Variants in SNAP29 observed in about 807,000 individuals in gnomAD.
The protein encoded by SNAP29 is synaptosomal-associated protein 29.
A neutral mutation model predicts 27.9 loss-of-function variants in SNAP29; 13 were observed. That is an observed-to-expected ratio of 0.47 (90% CI 0.30 to 0.74). The LOEUF is 0.74. SNAP29 is among the 30% of genes least tolerant of loss of function. The pLI, the probability that SNAP29 is intolerant of heterozygous loss-of-function variation, is 0.06. For synonymous variants in SNAP29, 119 were observed against 127.1 expected (o/e 0.94, Z 0.43); for missense variants, 368 against 336.5 (o/e 1.09, Z -0.73).
intron 4 of SNAP29, among the ~76,000 whole-genome samples, chr22:20,886,879 C>T (rs1601656451): frequency 6.6e-6 from 1 of 152,020 alleles, no homozygotes; most frequent in East Asian, 2.0e-4. Context: ...TCTCAAAGTG[C>T]TGGGATTACA....
chr22:20,881,146 C>T lies in SNAP29; in HGVS notation c.520+12C>T. 6.4e-7 allele frequency: 1 copy of T among 1,560,536 alleles called. No individual in the cohort carries two copies. Among genetic ancestry groups the T allele is most frequent in the Non-Finnish European group, 8.8e-7 (1 of 1,131,406 alleles). ...GCTGGATGATACAGGTAAGTGGATA[C>T]CTGTGTGCACAGCCACATTTGAATT... On this transcript the variant is annotated intron_variant, in intron 3 of 4. Coordinates refer to ENST00000215730, the MANE Select transcript of SNAP29 (RefSeq NM_004782.4).
chr22:20,887,656 C>T lies in SNAP29; in HGVS notation c.620-23C>T, dbSNP rs371559744. 2.9e-5 allele frequency: 47 copies of T among 1,613,868 alleles called. No homozygotes were observed. In the African/African-American group the frequency reaches 3.9e-4, roughly 13 times the overall value. ...TGCCGTGACTGTTTGCTCATGCCTG[C>T]GTGTCATTTCCTCCTCCTGCAGATG... On this transcript the variant is annotated intron_variant, in intron 4 of 4. Coordinates refer to ENST00000215730, the MANE Select transcript of SNAP29 (RefSeq NM_004782.4).
chr22:20,861,391 G>T (rs896200630), intron 1 of SNAP29, among the ~76,000 whole-genome samples: 2 of 151,184 alleles, frequency 1.3e-5, no homozygotes, highest in African/African-American at 4.9e-5. Context: ...GATTATAGGC[G>T]TGAGCCACTG....
intron 2 of SNAP29, among the ~76,000 whole-genome samples, chr22:20,877,892 GTC>G (rs1928787284): frequency 6.6e-6 from 1 of 152,224 alleles, no homozygotes; most frequent in Non-Finnish European, 1.5e-5. Context: ...GAAGCCAAGT[GTC>G]TCTTCCTACT....
At chr22:20,863,971 C>T (rs1434155092) in intron 1 of SNAP29, among the ~76,000 whole-genome samples, 1 of 152,094 alleles carries the variant, frequency 6.6e-6, no homozygotes, top group African/African-American at 2.4e-5. Context: ...TGTTGTATTC[C>T]ATTGAACAAA....
At chr22:20,866,176 G>T (rs1928454847) in intron 1 of SNAP29, among the ~76,000 whole-genome samples, 1 of 152,218 alleles carries the variant, frequency 6.6e-6, no homozygotes, top group Non-Finnish European at 1.5e-5. Flanking sequence ...CCCCAGGTTG[G>T]CCTGCACACA....
At chr22:20,871,854 C>T (rs1022256368) in intron 2 of SNAP29, among the ~76,000 whole-genome samples, 1 of 152,036 alleles carries the variant, frequency 6.6e-6, no homozygotes, top group Non-Finnish European at 1.5e-5. Flanking sequence ...TGCACTGCAG[C>T]CTGGGCGACA....
At chr22:20,875,601 A>C (rs1339722372) in intron 2 of SNAP29, among the ~76,000 whole-genome samples, 2 of 152,218 alleles carry the variant, frequency 1.3e-5, no homozygotes, top group Admixed American at 6.6e-5. Flanking sequence ...GGGTTGGTGC[A>C]GGCACATGGC....
intron 4 of SNAP29, among the ~76,000 whole-genome samples, chr22:20,886,898 C>T (rs879806437): frequency 4.6e-5 from 7 of 151,994 alleles, no homozygotes; most frequent in Non-Finnish European, 7.4e-5. Flanking sequence ...CAGGCATGAG[C>T]CATTGTACCC....
intron 2 of SNAP29, among the ~76,000 whole-genome samples, chr22:20,874,785 GTTT>G (rs1235530106): frequency 6.6e-6 from 1 of 151,546 alleles, no homozygotes; most frequent in Non-Finnish European, 1.5e-5. Context: ...GTCGTTGCTT[GTTT>G]TTTGTTGTTT....
chr22:20,881,160 C>T, intron 3 of SNAP29, 26 bp downstream of exon 3: 3 of 1,488,334 alleles, frequency 2.0e-6, no homozygotes, highest in Non-Finnish European at 2.8e-6. Context: ...TGTGCACAGC[C>T]ACATTTGAAT....
At chr22:20,871,138 A>G (rs925290247) in intron 2 of SNAP29, 1 of 153,766 alleles carries the variant, frequency 6.5e-6, no homozygotes, top group African/African-American at 2.4e-5. Flanking sequence ...AAAAAAAAAA[A>G]AAAGTCTTTA....
chr22:20,868,002 C>T (rs1442549463), intron 1 of SNAP29, among the ~76,000 whole-genome samples: 1 of 152,138 alleles, frequency 6.6e-6, no homozygotes, highest in East Asian at 1.9e-4. Flanking sequence ...AGTGTCTTTC[C>T]AGCTACTGGA....
At chr22:20,866,445 CTTA>C (rs1243676781) in intron 1 of SNAP29, among the ~76,000 whole-genome samples, 4 of 152,238 alleles carry the variant, frequency 2.6e-5, no homozygotes, top group African/African-American at 4.8e-5. Flanking sequence ...CCTCCGTCTA[CTTA>C]TGATGAACCT....
intron 2 of SNAP29, among the ~76,000 whole-genome samples, chr22:20,876,519 A>G (rs1359707237): frequency 6.6e-6 from 1 of 150,844 alleles, no homozygotes; most frequent in Non-Finnish European, 1.5e-5. Flanking sequence ...CAGCCTCCCA[A>G]AGTGCTAGGA....
At chr22:20,875,968 T>C (rs2147867914) in intron 2 of SNAP29, among the ~76,000 whole-genome samples, 1 of 152,076 alleles carries the variant, frequency 6.6e-6, no homozygotes, top group African/African-American at 2.4e-5. Context: ...GAGACCATCC[T>C]AGCTAACACG....
intron 1 of SNAP29, among the ~76,000 whole-genome samples, chr22:20,867,360 C>T (rs539508969): frequency 6.6e-6 from 1 of 151,956 alleles, no homozygotes; most frequent in South Asian, 2.1e-4. Flanking sequence ...TGCCTCGGTA[C>T]CTGGAGCGGT....
intron 1 of SNAP29, among the ~76,000 whole-genome samples, chr22:20,866,124 T>C (rs1489662956): frequency 6.6e-6 from 1 of 152,032 alleles, no homozygotes. Flanking sequence ...GAATGTGGAG[T>C]GTATGGACAA....
chr22:20,873,895 A>T (rs945438996), intron 2 of SNAP29, among the ~76,000 whole-genome samples: 1 of 126,894 alleles, frequency 7.9e-6, no homozygotes, highest in Non-Finnish European at 1.6e-5. Context: ...TAAGCCTGGG[A>T]GGCAGAGGTT....
Sources: allele counts gnomAD v4.1 joint callset (sites outside exome capture counted in the v4.1 genomes callset), GRCh38; gene constraint gnomAD v4.1.1; transcripts MANE v1.5; gene names NCBI Gene and HGNC (gene_info 2026-07-23, HGNC 2026-07-21).